The following SLC39A11 variants were observed in gnomAD, a reference collection of about 807,000 sequenced individuals.
The protein encoded by SLC39A11 is solute carrier family 39 member 11.
Under a neutral mutation model 36.1 loss-of-function variants are expected in SLC39A11, and 33 were observed. The observed-to-expected ratio is 0.91, with a 90% CI of 0.69 to 1.22. The LOEUF (loss-of-function observed/expected upper bound fraction) is 1.22. Ranked by LOEUF, SLC39A11 falls within the 50% of genes most tolerant of loss-of-function variation. SLC39A11 has a pLI of 0.00. For synonymous variants in SLC39A11, 166 were observed against 170.3 expected (o/e 0.97, Z 0.20); for missense variants, 432 against 430.3 (o/e 1.00, Z -0.03).
At chr17:72,764,714 T>C (rs2075706095) in intron 6 of SLC39A11, among the ~76,000 whole-genome samples, 1 of 152,178 alleles carries the variant, frequency 6.6e-6, no homozygotes, top group African/African-American at 2.4e-5. Flanking sequence ...CTCAGGAGGT[T>C]GGGTGATTCT....
At chr17:72,740,554 C>T (rs534118401) in intron 6 of SLC39A11, among the ~76,000 whole-genome samples, 9 of 152,240 alleles carry the variant, frequency 5.9e-5, no homozygotes, top group South Asian at 2.1e-4. Context: ...TTTCTTATAA[C>T]GTCATGACTT....
At chr17:72,952,403 G>A (rs1348926261) in intron 4 of SLC39A11, among the ~76,000 whole-genome samples, 2 of 152,198 alleles carry the variant, frequency 1.3e-5, no homozygotes, top group South Asian at 4.1e-4. Context: ...GGCGGTGGGG[G>A]AAAGTCAGAA....
At chr17:72,718,541 C>T (rs1470197784) in intron 7 of SLC39A11, among the ~76,000 whole-genome samples, 1 of 151,164 alleles carries the variant, frequency 6.6e-6, no homozygotes, top group Non-Finnish European at 1.5e-5. Context: ...ACCCCATTTC[C>T]CACACGACTT....
At chr17:72,903,417 A>G (rs953369451) in intron 5 of SLC39A11, among the ~76,000 whole-genome samples, 8 of 152,206 alleles carry the variant, frequency 5.3e-5, no homozygotes, top group African/African-American at 1.9e-4. Flanking sequence ...AACTCCATCT[A>G]TAATACTCGC....
At chr17:72,702,445 C>A (rs2072692582) in intron 7 of SLC39A11, among the ~76,000 whole-genome samples, 1 of 152,154 alleles carries the variant, frequency 6.6e-6, no homozygotes, top group Non-Finnish European at 1.5e-5. Context: ...GGCTAATGCA[C>A]AGGGCACCCC....
chr17:72,727,288 C>T (rs1363987570), intron 7 of SLC39A11, among the ~76,000 whole-genome samples: 1 of 152,200 alleles, frequency 6.6e-6, no homozygotes, highest in East Asian at 1.9e-4. Flanking sequence ...TGCAATTCCC[C>T]AAGCACATAC....
At chr17:72,819,550 C>T (rs1341988801) in intron 6 of SLC39A11, among the ~76,000 whole-genome samples, 1 of 151,366 alleles carries the variant, frequency 6.6e-6, no homozygotes, top group East Asian at 1.9e-4. Context: ...TCCTTCTCTA[C>T]TTCAGGCAGG....
chr17:72,942,791 G>C (rs2085197615), intron 5 of SLC39A11, among the ~76,000 whole-genome samples: 1 of 152,166 alleles, frequency 6.6e-6, no homozygotes, highest in Admixed American at 6.5e-5. Flanking sequence ...TCAGAGAAGA[G>C]ATTGCATCCC....
intron 4 of SLC39A11, among the ~76,000 whole-genome samples, chr17:73,018,158 A>G (rs927159921): frequency 6.6e-6 from 1 of 152,226 alleles, no homozygotes; most frequent in Non-Finnish European, 1.5e-5. Flanking sequence ...CCAGTAAATT[A>G]TCTGCCTGTC....
chr17:73,004,110 GA>G (rs1191054070), intron 4 of SLC39A11, among the ~76,000 whole-genome samples: 1 of 147,950 alleles, frequency 6.8e-6, no homozygotes, highest in East Asian at 2.0e-4. Flanking sequence ...AAGAAAGAGA[GA>G]GAGAGAGAAA....
At chr17:73,021,979 C>T (rs940303734) in intron 4 of SLC39A11, among the ~76,000 whole-genome samples, 8 of 152,368 alleles carry the variant, frequency 5.3e-5, no homozygotes, top group South Asian at 2.1e-4. Context: ...GCCAGACCCA[C>T]GGGGTCCTCC....
At chr17:72,992,641 C>T (rs1333513487) in intron 4 of SLC39A11, among the ~76,000 whole-genome samples, 2 of 152,190 alleles carry the variant, frequency 1.3e-5, no homozygotes, top group African/African-American at 2.4e-5. Context: ...CGTCTTTTGT[C>T]ACAGAGAAGT....
chr17:72,763,355 T>C (rs994596303), intron 6 of SLC39A11, among the ~76,000 whole-genome samples: 9 of 152,174 alleles, frequency 5.9e-5, no homozygotes, highest in African/African-American at 2.2e-4. Context: ...TTTCCTATGG[T>C]CCAACCTAAT....
chr17:72,927,703 A>G (rs2084129217), intron 5 of SLC39A11, among the ~76,000 whole-genome samples: 1 of 152,170 alleles, frequency 6.6e-6, no homozygotes, highest in Non-Finnish European at 1.5e-5. Context: ...TTTCCCATAG[A>G]ATTTCAGGAA....
Position 72,957,958 on chromosome 17 carries a change from A to G in SLC39A11, c.307-10083T>C, listed in dbSNP as rs558593583. 1.1e-3 allele frequency among the ~76,000 whole-genome samples: 172 copies of G among 152,268 alleles called. 1 individual carries two copies. Among genetic ancestry groups the G allele is most frequent in the Middle Eastern group, 0.01 (3 of 294 alleles). ...CAGGGAGCTGAGATTGCACCACTTCACTCCAGCCTGGGCGAAAGAGCAAAA... is the reference window on the plus strand; with the variant it reads ...CAGGGAGCTGAGATTGCACCACTTCGCTCCAGCCTGGGCGAAAGAGCAAAA... On this transcript the variant is annotated intron_variant, in intron 4 of 9. Coordinates refer to ENST00000255559, the MANE Select transcript of SLC39A11 (RefSeq NM_139177.4).
chr17:72,886,131 T>C (rs2081426685), intron 5 of SLC39A11, among the ~76,000 whole-genome samples: 1 of 152,242 alleles, frequency 6.6e-6, no homozygotes, highest in Admixed American at 6.5e-5. Flanking sequence ...TGCTGGATTC[T>C]GTTCCACTTC....
At chr17:72,995,052 G>T (rs561917198) in intron 4 of SLC39A11, among the ~76,000 whole-genome samples, 1 of 152,134 alleles carries the variant, frequency 6.6e-6, no homozygotes, top group South Asian at 2.1e-4. Flanking sequence ...TGGACAGAGA[G>T]TTAGATTATA....
At chr17:72,660,633 C>A (rs1194017704) in intron 7 of SLC39A11, among the ~76,000 whole-genome samples, 1 of 152,140 alleles carries the variant, frequency 6.6e-6, no homozygotes, top group Non-Finnish European at 1.5e-5. Flanking sequence ...AGGTTCTGGC[C>A]TCTTCTGGTC....
chr17:72,757,526 T>C (rs897236035), intron 6 of SLC39A11, among the ~76,000 whole-genome samples: 4 of 151,418 alleles, frequency 2.6e-5, no homozygotes, highest in African/African-American at 9.8e-5. Flanking sequence ...CAGTTTCGGT[T>C]GTGGGACGGC....
Sources: allele counts gnomAD v4.1 joint callset (sites outside exome capture counted in the v4.1 genomes callset), GRCh38; gene constraint gnomAD v4.1.1; transcripts MANE v1.5; gene names NCBI Gene and HGNC (gene_info 2026-07-23, HGNC 2026-07-21).